The following PRKN variants were observed in gnomAD, a reference collection of about 807,000 sequenced individuals.
PRKN encodes the protein parkin RBR E3 ubiquitin protein ligase, also known as E3 ubiquitin-protein ligase parkin.
PRKN carries 56 observed loss-of-function variants against 59.5 expected under a neutral mutation model. That is an observed-to-expected ratio of 0.94 (90% CI 0.76 to 1.18). The LOEUF (loss-of-function observed/expected upper bound fraction) is 1.18. Among genes scored for constraint, PRKN ranks in the 50% most tolerant of loss-of-function variants. PRKN has a pLI of 0.00. For missense variants in PRKN, 657 were observed against 596.4 expected (o/e 1.10, Z -1.06); for synonymous variants, 250 against 222.1 (o/e 1.13, Z -1.12).
chr6:161,987,220 C>T (rs2128256528), intron 5 of PRKN, among the ~76,000 whole-genome samples: 1 of 152,158 alleles, frequency 6.6e-6, no homozygotes, highest in African/African-American at 2.4e-5. Context: ...GTAAATTTAC[C>T]TATAAACCAT....
Position 161,770,452 on chromosome 6 carries a change from C to CTTTATTTATTTATTTA in PRKN, c.871+15304_871+15319dup, listed in dbSNP as rs36204395. 1.5e-3 allele frequency among the ~76,000 whole-genome samples: 231 copies of CTTTATTTATTTATTTA among 151,028 alleles called. 6 individuals are homozygous for CTTTATTTATTTATTTA. In the South Asian group the frequency reaches 0.034, roughly 22 times the overall value. On this transcript the variant is annotated intron_variant, in intron 7 of 11. Transcript: ENST00000366898. The stretch of plus-strand genomic sequence containing the variant: ...ATGTGACTCTATTTGGCAATAGAGC[C>CTTTATTTATTTATTTA]TTTATTTATTTATTTATTTATTTAT...
intron 2 of PRKN, among the ~76,000 whole-genome samples, chr6:162,351,476 T>C (rs899309628): frequency 3.3e-5 from 5 of 152,216 alleles, no homozygotes; most frequent in African/African-American, 1.2e-4. Context: ...AATTCATCTA[T>C]GTTTCTGGTC....
At chr6:161,779,869 G>A (rs1790131165) in intron 7 of PRKN, among the ~76,000 whole-genome samples, 1 of 152,072 alleles carries the variant, frequency 6.6e-6, no homozygotes, top group African/African-American at 2.4e-5. Flanking sequence ...TGGGTAATTG[G>A]CTGATTTATG....
intron 2 of PRKN, among the ~76,000 whole-genome samples, chr6:162,422,070 T>G (rs900568280): frequency 1.3e-5 from 2 of 152,192 alleles, no homozygotes; most frequent in Non-Finnish European, 2.9e-5. Flanking sequence ...GGTTTGCCAC[T>G]GGGAATTCTT....
chr6:161,750,506 A>T (rs1244710837), intron 7 of PRKN, among the ~76,000 whole-genome samples: 3 of 152,012 alleles, frequency 2.0e-5, no homozygotes, highest in African/African-American at 7.2e-5. Context: ...GGTGGCTCAT[A>T]CTTGTAATCC....
chr6:161,912,266 A>T (rs1260698452), intron 6 of PRKN, among the ~76,000 whole-genome samples: 1 of 152,120 alleles, frequency 6.6e-6, no homozygotes, highest in Non-Finnish European at 1.5e-5. Flanking sequence ...ACCAGAAGCC[A>T]TAAAGTAGTA....
chr6:161,945,529 T>C (rs1779746745), intron 6 of PRKN, among the ~76,000 whole-genome samples: 1 of 152,224 alleles, frequency 6.6e-6, no homozygotes, highest in African/African-American at 2.4e-5. Context: ...ATTCCCACTA[T>C]ATGCCAAATA....
chr6:161,428,807 G>A lies in PRKN; in HGVS notation c.1084-41930C>T, dbSNP rs1489602012. The stretch of plus-strand genomic sequence containing the variant: ...ATGGGCAAGCATTCATGTATTTCAA[G>A]TCATGTTTTTGCAGGCAGATGACTG... On this transcript the variant is annotated intron_variant, in intron 9 of 11. Coordinates refer to ENST00000366898, the MANE Select transcript of PRKN (RefSeq NM_004562.3). This position sits in a 1 kb window ranked among gnomAD's most constrained non-coding sequence, Gnocchi z 4.0. Among the ~76,000 whole-genome samples the A allele has an allele frequency of 1.3e-4, 20 of 152,148 alleles. No individual in the cohort carries two copies. The highest frequency in any genetic ancestry group is 4.8e-4 in the African/African-American group (20 of 41,420).
At chr6:161,615,725 T>A (rs1195524639) in intron 7 of PRKN, among the ~76,000 whole-genome samples, 1 of 152,056 alleles carries the variant, frequency 6.6e-6, no homozygotes, top group Non-Finnish European at 1.5e-5. Flanking sequence ...CTGCAGTGAG[T>A]TCCTAAGGAA....
At chr6:161,886,980 A>G (rs1562366259) in intron 6 of PRKN, among the ~76,000 whole-genome samples, 2 of 152,228 alleles carry the variant, frequency 1.3e-5, no homozygotes, top group South Asian at 4.1e-4. Flanking sequence ...AAAGATGTGT[A>G]GAAATTATTA....
At chr6:161,942,473 G>A (rs192561858) in intron 6 of PRKN, among the ~76,000 whole-genome samples, 2 of 152,272 alleles carry the variant, frequency 1.3e-5, no homozygotes, top group East Asian at 1.9e-4. Flanking sequence ...GGAGGTTGCA[G>A]TGAACTGAGA....
In PRKN at chr6:162,022,296, C is replaced by T. The variant is rs117261237; in HGVS notation, c.618+31795G>A. ...TCCATAGAGGTTGTGCTAATTTACA[C>T]GCCCACCAACAGTGTATAAGCACTC... On this transcript the variant is annotated intron_variant, in intron 5 of 11. Transcript: ENST00000366898. Among the ~76,000 whole-genome samples, 98 of 152,234 alleles carry T rather than the reference C, an allele frequency of 6.4e-4. No individual in the cohort carries two copies. In the East Asian group the frequency reaches 0.016, roughly 25 times the overall value.
At chr6:161,883,099 A>T (rs9346885) in intron 6 of PRKN, among the ~76,000 whole-genome samples, 4 of 151,884 alleles carry the variant, frequency 2.6e-5, no homozygotes, top group African/African-American at 4.8e-5. Flanking sequence ...ATATAGATAA[A>T]GATAAAGAAA....
At chr6:162,100,506 A>G (rs1483802595) in intron 4 of PRKN, among the ~76,000 whole-genome samples, 7 of 148,868 alleles carry the variant, frequency 4.7e-5, no homozygotes, top group African/African-American at 1.2e-4. Flanking sequence ...CTGGAGTGCA[A>G]TCTCATCTCA....
intron 7 of PRKN, among the ~76,000 whole-genome samples, chr6:161,659,656 G>A (rs530245184): frequency 2.6e-5 from 4 of 152,270 alleles, no homozygotes; most frequent in South Asian, 2.1e-4. Context: ...TGACACAAAA[G>A]CAGGTGGGCA....
intron 7 of PRKN, among the ~76,000 whole-genome samples, chr6:161,713,565 A>C (rs1049456600): frequency 2.0e-5 from 3 of 152,234 alleles, no homozygotes; most frequent in Admixed American, 2.0e-4. Context: ...CCTCTATGAC[A>C]GTAACTGGGG....
At chr6:162,101,067 C>T (rs1779950852) in intron 4 of PRKN, among the ~76,000 whole-genome samples, 1 of 152,030 alleles carries the variant, frequency 6.6e-6, no homozygotes, top group Non-Finnish European at 1.5e-5. Context: ...GTGGCTGATA[C>T]AGAAGTTCTT....
At chr6:161,815,854 T>G (rs1041187740) in intron 6 of PRKN, among the ~76,000 whole-genome samples, 5 of 152,160 alleles carry the variant, frequency 3.3e-5, no homozygotes, top group African/African-American at 9.7e-5. Flanking sequence ...GTACGACGGG[T>G]TCACCTGAAG....
chr6:162,321,099 G>A (rs2156269), intron 2 of PRKN, among the ~76,000 whole-genome samples: 71,770 of 151,580 alleles, frequency 0.47, 17,619 homozygotes, highest in Middle Eastern at 0.54. Context: ...TGTTCTTTTT[G>A]TTGATCAATA....
Sources: allele counts gnomAD v4.1 joint callset (sites outside exome capture counted in the v4.1 genomes callset), GRCh38; gene constraint gnomAD v4.1.1; non-coding constraint Gnocchi (gnomAD v3.1); transcripts MANE v1.5; gene names NCBI Gene and HGNC (gene_info 2026-07-23, HGNC 2026-07-21).